The following HIF3A variants were observed in gnomAD, a reference collection of about 807,000 sequenced individuals.
The protein encoded by HIF3A is hypoxia inducible factor 3 subunit alpha, also known as hypoxia-inducible factor 3-alpha.
In HIF3A, 41 loss-of-function variants were observed where a neutral mutation model predicts 67.2. That is an observed-to-expected ratio of 0.61 (90% CI 0.48 to 0.79). The LOEUF is 0.79. HIF3A is among the 30% of genes least tolerant of loss of function. The pLI is 0.00. For synonymous variants in HIF3A, 356 were observed against 374.8 expected (o/e 0.95, Z 0.58); for missense variants, 855 against 898.0 (o/e 0.95, Z 0.61).
chr19:46,338,198 T>C (rs1360972393), intron 14 of HIF3A: 1 of 454,000 alleles, frequency 2.2e-6, no homozygotes, highest in Admixed American at 2.4e-5. Flanking sequence ...TCAGTAAACA[T>C]GTTGGGTTTT....
chr19:46,313,293 A>C (rs1969624781), intron 8 of HIF3A: 1 of 980,210 alleles, frequency 1.0e-6, no homozygotes, highest in African/African-American at 1.8e-5. Flanking sequence ...TCTATATTCA[A>C]GTTAAAATAA....
chr19:46,304,074 G>A lies in HIF3A; in HGVS notation c.203G>A (p.Arg68His), dbSNP rs1375327716. The change falls in exon 2 of 15, where the codon CGC (arginine) becomes CAC (histidine). Residue 68 changes from arginine to histidine, a missense_variant. Physicochemically the swap from Arg to His is conservative, Grantham distance 29. Around this residue, in one of 3 missense-constraint regions of HIF3A, gnomAD observed 638 missense variants for 660.5 expected, o/e 0.97. Coordinates refer to ENST00000377670, the MANE Select transcript of HIF3A (RefSeq NM_152795.4). ...RLTISYLRMH[R>H]LCAAGEWNQV... is the part of the protein sequence containing the mutation. ...ACCATCAGCTACCTGCGCATGCACC[G>A]CCTCTGCGCCGCAGGTGAGCCCCGC... 7 of 1,569,620 alleles carry A rather than the reference G, an allele frequency of 4.5e-6. No individual in the cohort carries two copies. The highest frequency in any genetic ancestry group is 5.2e-6 in the Non-Finnish European group (6 of 1,159,130).
At chr19:46,309,073 C>T in intron 5 of HIF3A, 78 bp from the exon 6 acceptor site, 1 of 1,236,366 alleles carries the variant, frequency 8.1e-7, no homozygotes, top group African/African-American at 1.5e-5. Context: ...GATGGGCCCT[C>T]AGGACGCATC....
chr19:46,337,425 C>T lies in HIF3A; in HGVS notation c.1913-2100C>T, dbSNP rs138587053. On this transcript the variant is annotated intron_variant, in intron 14 of 14. Coordinates refer to ENST00000377670, the MANE Select transcript of HIF3A (RefSeq NM_152795.4). ...CTGGGACTACAAGTGCGCTTCATTA[C>T]GTCTGGCTAATTTTTTAATTTCTGT... is the stretch of plus-strand genomic sequence containing the variant. Among the ~76,000 whole-genome samples, 796 of 152,098 alleles carry T rather than the reference C, an allele frequency of 5.2e-3. 26 individuals are homozygous for T. Among genetic ancestry groups the T allele is most frequent in the Admixed American group, 0.043 (657 of 15,268 alleles).
intron 8 of HIF3A, chr19:46,313,325 G>A (rs1222822311): frequency 2.0e-6 from 2 of 983,084 alleles, no homozygotes; most frequent in African/African-American, 3.5e-5. Flanking sequence ...GAATCATGGG[G>A]TCTTTTTTGC....
chr19:46,309,392 G>C, intron 6 of HIF3A, 33 bp downstream of exon 6: 1 of 1,476,420 alleles, frequency 6.8e-7, no homozygotes, highest in East Asian at 2.4e-5. Context: ...GTCTGCCCAA[G>C]TTCAAGTGCT....
At chr19:46,334,628 A>G (rs936712638) in intron 13 of HIF3A, among the ~76,000 whole-genome samples, 13 of 151,956 alleles carry the variant, frequency 8.6e-5, no homozygotes, top group African/African-American at 3.1e-4. Flanking sequence ...GCTCACTGCA[A>G]CCTCAGCCTC....
intron 10 of HIF3A, among the ~76,000 whole-genome samples, chr19:46,323,322 T>A (rs1970524227): frequency 6.6e-6 from 1 of 152,048 alleles, no homozygotes. Flanking sequence ...GTGCTAGGAT[T>A]ACAGGCATGA....
chr19:46,310,214 G>A (rs1329748367), intron 6 of HIF3A, among the ~76,000 whole-genome samples: 3 of 152,094 alleles, frequency 2.0e-5, no homozygotes, highest in African/African-American at 7.2e-5. Flanking sequence ...AACAGAACAA[G>A]ACTCCGTCTC....
At chr19:46,307,395 A>G (rs1484006363) in intron 3 of HIF3A, among the ~76,000 whole-genome samples, 1 of 152,084 alleles carries the variant, frequency 6.6e-6, no homozygotes, top group African/African-American at 2.4e-5. Flanking sequence ...TGAGCTCAGG[A>G]GTTTGAGACC....
chr19:46,334,394 T>C (rs1971466509), intron 13 of HIF3A, among the ~76,000 whole-genome samples: 1 of 152,074 alleles, frequency 6.6e-6, no homozygotes. Flanking sequence ...GCCCAGCTTA[T>C]TTCATTTTTT....
At chr19:46,320,961 C>T (rs1049472750) in intron 9 of HIF3A, among the ~76,000 whole-genome samples, 2 of 152,130 alleles carry the variant, frequency 1.3e-5, no homozygotes, top group Non-Finnish European at 2.9e-5. Context: ...TGGCTCCTTT[C>T]TCCCTCTTCC....
At chr19:46,309,445 TTCTC>T (rs956169514) in intron 6 of HIF3A, 86 bp downstream of exon 6, 201 of 675,362 alleles carry the variant, frequency 3.0e-4, no homozygotes, top group Middle Eastern at 2.7e-3. Flanking sequence ...CTCTCTCTCC[TTCTC>T]TCTCTCTCTC....
intron 10 of HIF3A, 130 bp from the exon 11 acceptor site, chr19:46,325,405 G>T (rs548341609): frequency 4.5e-6 from 3 of 672,814 alleles, no homozygotes; most frequent in South Asian, 1.7e-5. Flanking sequence ...TGCATTTGCC[G>T]TTGGACCCCC....
chr19:46,324,750 A>G (rs990214594), intron 10 of HIF3A, among the ~76,000 whole-genome samples: 2 of 151,602 alleles, frequency 1.3e-5, no homozygotes, highest in African/African-American at 4.8e-5. Flanking sequence ...GCTACTTGGG[A>G]GGCTGAGGCA....
chr19:46,308,635 C>A (rs1224131718), intron 4 of HIF3A, 28 bp from the exon 5 acceptor site: 1 of 1,418,568 alleles, frequency 7.0e-7, no homozygotes, highest in Non-Finnish European at 9.7e-7. Flanking sequence ...CTGCCTGTGA[C>A]CTCCCCGCTG....
intron 4 of HIF3A, 156 bp downstream of exon 4, chr19:46,308,461 C>T (rs1041024178): frequency 1.1e-5 from 7 of 648,828 alleles, no homozygotes; most frequent in Admixed American, 2.9e-5. Flanking sequence ...GGACAAAGAC[C>T]CTGCCCTGGG....
chr19:46,309,129 G>T (rs745675823), intron 5 of HIF3A, 22 bp from the exon 6 acceptor site: 1 of 1,602,834 alleles, frequency 6.2e-7, no homozygotes, highest in Non-Finnish European at 8.5e-7. Flanking sequence ...CCACTGCCTT[G>T]TCCCCTCATC....
chr19:46,330,542 G>A (rs1172021829), intron 12 of HIF3A, among the ~76,000 whole-genome samples: 1 of 151,276 alleles, frequency 6.6e-6, no homozygotes, highest in African/African-American at 2.4e-5. Context: ...TGGATGGATG[G>A]CAGATGGATG....
Sources: allele counts gnomAD v4.1 joint callset (sites outside exome capture counted in the v4.1 genomes callset), GRCh38; gene constraint gnomAD v4.1.1; regional missense constraint gnomAD v4.1.1; transcripts MANE v1.5; gene names NCBI Gene and HGNC (gene_info 2026-07-23, HGNC 2026-07-21).